The following MEGF10 variants were observed in gnomAD, a reference collection of about 807,000 sequenced individuals.
MEGF10 encodes the protein multiple EGF like domains 10.
A neutral mutation model predicts 147.5 loss-of-function variants in MEGF10; 86 were observed. The observed-to-expected ratio is 0.58, with a 90% confidence interval of 0.49 to 0.70. The LOEUF is 0.70. Among genes scored for constraint, MEGF10 ranks in the 30% least tolerant of loss-of-function variants. The pLI is 0.00. For missense variants in MEGF10, 1,329 were observed against 1,487.3 expected (o/e 0.89, Z 1.75); for synonymous variants, 478 against 525.5 (o/e 0.91, Z 1.24).
intron 4 of MEGF10, among the ~76,000 whole-genome samples, chr5:127,353,896 G>A (rs1283791090): frequency 1.3e-5 from 2 of 152,248 alleles, no homozygotes; most frequent in Non-Finnish European, 2.9e-5. Flanking sequence ...GGCCAGCTCT[G>A]ATGGTGAGAG....
Position 127,459,402 on chromosome 5 carries a change from A to G in MEGF10, c.*2084A>G, listed in dbSNP as rs1359725101. ...ATAGTTAACCACTGGCTGGCTCCCA[A>G]CTCTAGGTGATAGGCATCTAATTGA... is the stretch of plus-strand genomic sequence containing the variant. On this transcript the variant is annotated 3_prime_UTR_variant, in exon 25 of 25. Coordinates refer to ENST00000503335, the MANE Select transcript of MEGF10 (RefSeq NM_001256545.2). 2 of 152,110 alleles carry G rather than the reference A, an allele frequency of 1.3e-5. No individual in the cohort carries two copies. Among genetic ancestry groups the G allele is most frequent in the African/African-American group, 2.4e-5 (1 of 41,406 alleles). 9.4% of individuals were successfully genotyped at this position (152,110 alleles called of 1,614,324 possible).
intron 1 of MEGF10, among the ~76,000 whole-genome samples, chr5:127,291,546 C>T (rs989107296): frequency 1.3e-5 from 2 of 152,156 alleles, no homozygotes; most frequent in Non-Finnish European, 2.9e-5. Context: ...ACGCTCTAGG[C>T]TGGCGGGATG....
intron 8 of MEGF10, among the ~76,000 whole-genome samples, chr5:127,408,428 C>T (rs530165786): frequency 1.3e-5 from 2 of 152,230 alleles, no homozygotes; most frequent in Admixed American, 1.3e-4. Flanking sequence ...AATGAGACCA[C>T]ATTATTGTAC....
the MEGF10 span, among the ~76,000 whole-genome samples, chr5:127,274,499 T>A: frequency 6.6e-6 from 1 of 152,150 alleles, no homozygotes; most frequent in African/African-American, 2.4e-5. Context: ...TTTAGAATGA[T>A]ATAATAAAAA....
At position 127,417,802 on chromosome 5, in the gene MEGF10, C is replaced by T. The variant is rs765969334; in HGVS notation, c.1295C>T (p.Pro432Leu). 6.2e-6 allele frequency: 10 copies of T among 1,613,760 alleles called. No homozygotes were observed. Among genetic ancestry groups the T allele is most frequent in the Non-Finnish European group, 4.2e-6 (5 of 1,179,962 alleles). ...GTGACTGGAAAGTGCACCTGTGCCC[C>T]AGGATTCAAAGTGAGTGACTAGGGC... ...DSVTGKCTCA[P>L]GFKGIDCSTP... The change falls in exon 10 of 25, where the codon CCA becomes CTA. Residue 432 changes from proline (P) to leucine (L), a missense_variant. Physicochemically the swap from Pro to Leu is moderately conservative, Grantham distance 98. Transcript: ENST00000503335.
chr5:127,415,537 T>A (rs1209101577), intron 9 of MEGF10, among the ~76,000 whole-genome samples: 1 of 151,922 alleles, frequency 6.6e-6, no homozygotes, highest in Non-Finnish European at 1.5e-5. Context: ...GATAAAGGGA[T>A]GTGGGTGGAT....
rs531840230 is a variant in MEGF10, at chr5:127,308,196, A to G, written c.-19+17140A>G. ...AATCTTAACTTCATTAGCAATTACG[A>G]GAGAGGAGAAAAATAAAACCCAAAA... On this transcript the variant is annotated intron_variant, in intron 1 of 24. Transcript: ENST00000503335. 3.9e-5 allele frequency among the ~76,000 whole-genome samples: 6 copies of G among 152,324 alleles called. No homozygotes were observed. The East Asian group carries it at 7.7e-4, about 20-fold the overall frequency.
At chr5:127,296,044 C>T (rs17165103) in intron 1 of MEGF10, among the ~76,000 whole-genome samples, 11,199 of 152,186 alleles carry the variant, frequency 0.074, 587 homozygotes, top group African/African-American at 0.14. Flanking sequence ...TACCTTTTGT[C>T]TCTCTTTACC....
chr5:127,456,525 A>G (rs924322213), intron 24 of MEGF10, among the ~76,000 whole-genome samples: 2 of 152,212 alleles, frequency 1.3e-5, no homozygotes, highest in Non-Finnish European at 2.9e-5. Flanking sequence ...CTACTTTACT[A>G]CTAGTAATTT....
At chr5:127,341,061 G>T (rs1761662817) in intron 4 of MEGF10, among the ~76,000 whole-genome samples, 1 of 152,134 alleles carries the variant, frequency 6.6e-6, no homozygotes, top group South Asian at 2.1e-4. Flanking sequence ...CTTATTAAAT[G>T]TAGAGGAGTT....
At chr5:127,389,584 G>A (rs115000997) in intron 5 of MEGF10, among the ~76,000 whole-genome samples, 18,058 of 152,190 alleles carry the variant, frequency 0.12, 1,108 homozygotes, top group Non-Finnish European at 0.13. Context: ...GGAATACTGT[G>A]CAGCCATATA....
chr5:127,427,139 T>A (rs1296899367), intron 13 of MEGF10, among the ~76,000 whole-genome samples: 1 of 152,222 alleles, frequency 6.6e-6, no homozygotes, highest in Non-Finnish European at 1.5e-5. Flanking sequence ...TCTTGCATAG[T>A]GCACAACTTG....
chr5:127,237,733 C>A, the MEGF10 span, among the ~76,000 whole-genome samples: 19 of 151,924 alleles, frequency 1.3e-4, no homozygotes, highest in Admixed American at 2.6e-4. Flanking sequence ...AATTTTAAGT[C>A]CTGGGCAGGG....
At chr5:127,348,379 G>C (rs1761969808) in intron 4 of MEGF10, among the ~76,000 whole-genome samples, 2 of 151,964 alleles carry the variant, frequency 1.3e-5, no homozygotes, top group Admixed American at 6.6e-5. Context: ...ATTTTAAAAT[G>C]GAAATGCAAT....
chr5:127,287,619 G>A (rs1406691231), upstream of MEGF10, among the ~76,000 whole-genome samples: 1 of 151,962 alleles, frequency 6.6e-6, no homozygotes, highest in Non-Finnish European at 1.5e-5. Flanking sequence ...AATGTTCATA[G>A]GTTAGAGGAA....
At chr5:127,339,025 T>G in intron 2 of MEGF10, 95 bp from the exon 3 acceptor site, 6 of 621,504 alleles carry the variant, frequency 9.7e-6, no homozygotes, top group Non-Finnish European at 1.5e-5. Flanking sequence ...GAGTTGCAAA[T>G]GGAGATAATT....
chr5:127,386,860 G>A (rs937998597), intron 5 of MEGF10, among the ~76,000 whole-genome samples: 4 of 152,200 alleles, frequency 2.6e-5, no homozygotes, highest in African/African-American at 9.6e-5. Flanking sequence ...GGGAATTTCT[G>A]CTGTTACTAG....
chr5:127,425,721 G>A (rs1446225576), intron 13 of MEGF10, among the ~76,000 whole-genome samples: 2 of 152,012 alleles, frequency 1.3e-5, no homozygotes, highest in African/African-American at 4.8e-5. Context: ...CCATAAAATT[G>A]TTTAGGGTTA....
chr5:127,237,006 A>C, the MEGF10 span, among the ~76,000 whole-genome samples: 2 of 152,324 alleles, frequency 1.3e-5, no homozygotes, highest in African/African-American at 4.8e-5. Flanking sequence ...TATGAATTCC[A>C]TATTGACTTC....
Sources: gnomAD v4.1 joint callset for allele counts (sites outside exome capture counted in the v4.1 genomes callset) on GRCh38, gnomAD v4.1.1 for gene constraint, MANE v1.5 for transcripts, NCBI Gene and HGNC (gene_info 2026-07-23, HGNC 2026-07-21) for gene names.